Variants in FILIP1L observed in about 807,000 individuals in gnomAD.
The protein encoded by FILIP1L is filamin A-interacting protein 1-like.
A neutral mutation model predicts 96.6 loss-of-function variants in FILIP1L; 55 were observed. The ratio of observed to expected loss-of-function variants is 0.57; its 90% CI spans 0.46 to 0.71. The LOEUF is 0.71. Among genes scored for constraint, FILIP1L ranks in the 30% least tolerant of loss-of-function variants. FILIP1L has a pLI of 0.00. For synonymous variants in FILIP1L, 467 were observed against 473.9 expected (o/e 0.99, Z 0.19); for missense variants, 1,304 against 1,321.2 (o/e 0.99, Z 0.20).
chr3:100,054,733 A>G (rs2065435481), intron 1 of FILIP1L, among the ~76,000 whole-genome samples: 2 of 152,102 alleles, frequency 1.3e-5, no homozygotes, highest in Admixed American at 6.6e-5. Context: ...AGCAGTTCCC[A>G]CCAATACCCT....
intron 1 of FILIP1L, among the ~76,000 whole-genome samples, chr3:100,066,601 G>A (rs1202787602): frequency 1.2e-5 from 1 of 86,080 alleles, no homozygotes; most frequent in East Asian, 3.3e-4. Flanking sequence ...GCGGGATCTC[G>A]GCTCACTGCA....
chr3:99,994,909 C>T (rs1709630345), intron 1 of FILIP1L, among the ~76,000 whole-genome samples: 1 of 152,120 alleles, frequency 6.6e-6, no homozygotes, highest in Admixed American at 6.5e-5. Context: ...GGGTCCCTCC[C>T]ACAACACATG....
At chr3:100,035,626 T>A (rs2065095099) in intron 1 of FILIP1L, among the ~76,000 whole-genome samples, 1 of 152,206 alleles carries the variant, frequency 6.6e-6, no homozygotes, top group Non-Finnish European at 1.5e-5. Context: ...TTGACCTTTT[T>A]CACCCCACCA....
intron 4 of FILIP1L, among the ~76,000 whole-genome samples, chr3:99,892,929 T>C (rs1706131294): frequency 6.6e-6 from 1 of 152,206 alleles, no homozygotes; most frequent in African/African-American, 2.4e-5. Context: ...CCTGTATTTT[T>C]CTTCACAAAG....
At chr3:99,970,133 G>A (rs141513391) in intron 1 of FILIP1L, among the ~76,000 whole-genome samples, 1,725 of 152,262 alleles carry the variant, frequency 0.011, 19 homozygotes, top group African/African-American at 0.025. Flanking sequence ...CATACTTTGC[G>A]TGCATTAAAT....
At chr3:99,986,700 G>T (rs1002695149) in intron 1 of FILIP1L, among the ~76,000 whole-genome samples, 3 of 152,142 alleles carry the variant, frequency 2.0e-5, no homozygotes, top group African/African-American at 7.2e-5. Flanking sequence ...GGAGGAGAAT[G>T]GTTCTTCCTC....
At chr3:99,932,231 C>G (rs1243660366) in intron 1 of FILIP1L, among the ~76,000 whole-genome samples, 1 of 152,140 alleles carries the variant, frequency 6.6e-6, no homozygotes, top group Non-Finnish European at 1.5e-5. Flanking sequence ...TGGTATTTAT[C>G]ATTCCCCTGT....
intron 1 of FILIP1L, among the ~76,000 whole-genome samples, chr3:100,021,915 TTGTG>T (rs61704772): frequency 2.9e-3 from 305 of 105,922 alleles, no homozygotes; most frequent in East Asian, 4.9e-3. Flanking sequence ...CTAGATCCCA[TTGTG>T]TGTGTGTGTG....
intron 4 of FILIP1L, among the ~76,000 whole-genome samples, chr3:99,908,293 C>T (rs1187256744): frequency 6.6e-6 from 1 of 152,208 alleles, no homozygotes; most frequent in African/African-American, 2.4e-5. Context: ...AAAAGAGATG[C>T]TATTTTCTAT....
intron 5 of FILIP1L, chr3:99,847,984 T>C: frequency 9.3e-7 from 1 of 1,070,794 alleles, no homozygotes; most frequent in Non-Finnish European, 1.1e-6. Flanking sequence ...CCAAGACAAG[T>C]TGCAGTCAAA....
chr3:100,072,421 T>C (rs1343572183), intron 1 of FILIP1L, among the ~76,000 whole-genome samples: 1 of 152,260 alleles, frequency 6.6e-6, no homozygotes, highest in Non-Finnish European at 1.5e-5. Context: ...TGTCTCTGGC[T>C]GACTTCCTGG....
intron 4 of FILIP1L, among the ~76,000 whole-genome samples, chr3:99,876,565 AT>A (rs1379488868): frequency 6.6e-6 from 1 of 152,040 alleles, no homozygotes; most frequent in Non-Finnish European, 1.5e-5. Flanking sequence ...TATACTTTTT[AT>A]TTTTGGTTGC....
intron 4 of FILIP1L, among the ~76,000 whole-genome samples, chr3:99,907,073 G>A (rs1416725870): frequency 1.3e-5 from 2 of 151,982 alleles, no homozygotes; most frequent in African/African-American, 4.8e-5. Context: ...ATATTTTTGG[G>A]ACTCTTACTG....
In FILIP1L at chr3:100,036,816, T is replaced by C. The variant is rs184815785; in HGVS notation, c.-11+77237A>G. On this transcript the variant is annotated intron_variant, in intron 1 of 5. Transcript: ENST00000477258. The stretch of plus-strand genomic sequence containing the variant: ...TTTAACCAAGTGATCAAAGTTACCA[T>C]CATCAATAGTAGAACAAATTGACAT... Among the ~76,000 whole-genome samples, 13 of 152,318 alleles carry C rather than the reference T, an allele frequency of 8.5e-5. 1 individual carries two copies. The South Asian group carries it at 2.5e-3, about 29-fold the overall frequency.
intron 4 of FILIP1L, among the ~76,000 whole-genome samples, chr3:99,876,791 A>G (rs1473012846): frequency 6.6e-6 from 1 of 152,134 alleles, no homozygotes; most frequent in Non-Finnish European, 1.5e-5. Context: ...GTTTTTCCTG[A>G]AAGAACTTCC....
intron 1 of FILIP1L, among the ~76,000 whole-genome samples, chr3:99,949,128 G>C (rs1307747114): frequency 6.6e-6 from 1 of 152,118 alleles, no homozygotes; most frequent in Non-Finnish European, 1.5e-5. Context: ...GTGAAAGCAG[G>C]ATAAAGTTCC....
Position 99,849,385 on chromosome 3 carries a change from A to G in FILIP1L, c.2291T>C (p.Ile764Thr), listed in dbSNP as rs202066216. 171 of 1,613,982 alleles carry G rather than the reference A, an allele frequency of 1.1e-4. 1 individual carries two copies. Among genetic ancestry groups the G allele is most frequent in the Admixed American group, 2.7e-4 (16 of 59,992 alleles). Residue 764 changes from isoleucine (I) to threonine (T), a missense_variant, in exon 5 of 6, where the codon ATT becomes ACT. By Grantham distance (89) the Ile-to-Thr change is moderately conservative (BLOSUM62 -1). Transcript: ENST00000477258. Reference protein sequence around the residue: ...ENRNRDLGREIENLTKELERY... With the variant: ...ENRNRDLGRETENLTKELERY... Reference sequence around the variant, plus strand: ...CTCTAACTCCTTAGTGAGGTTTTCAATCTCTCTTCCTAAATCTCTGTTCCT... The same window carrying G: ...CTCTAACTCCTTAGTGAGGTTTTCAGTCTCTCTTCCTAAATCTCTGTTCCT...
At chr3:99,953,601 T>G (rs983398503) in intron 1 of FILIP1L, among the ~76,000 whole-genome samples, 1 of 152,198 alleles carries the variant, frequency 6.6e-6, no homozygotes. Context: ...ATCCAACCAG[T>G]CTTTTCTAAG....
intron 1 of FILIP1L, among the ~76,000 whole-genome samples, chr3:99,967,473 A>G (rs1278417435): frequency 3.9e-5 from 6 of 152,208 alleles, no homozygotes; most frequent in Admixed American, 2.0e-4. Context: ...AATATGGTAC[A>G]TAGTGATCCA....
Sources: gnomAD v4.1 joint callset for allele counts (sites outside exome capture counted in the v4.1 genomes callset) on GRCh38, gnomAD v4.1.1 for gene constraint, MANE v1.5 for transcripts, NCBI Gene and HGNC (gene_info 2026-07-23, HGNC 2026-07-21) for gene names.